TMEM184A: variants seen among roughly 807,000 people sequenced by gnomAD.
The protein encoded by TMEM184A is transmembrane protein 184A, also known as sexually dimorphic, expressed in male gonads 1.
TMEM184A carries 40 observed loss-of-function variants against 39.5 expected under a neutral mutation model. The observed-to-expected ratio is 1.01, with a 90% CI of 0.79 to 1.32. TMEM184A has a LOEUF of 1.32. TMEM184A is among the 40% of genes most tolerant of loss of function. The pLI is 0.00. For synonymous variants in TMEM184A, 280 were observed against 252.3 expected, an observed-to-expected ratio of 1.11 and a Z score of -1.04; for missense variants, 603 against 568.8, an observed-to-expected ratio of 1.06 and a Z score of -0.61.
Position 1,547,114 on chromosome 7 carries a change from C to T in TMEM184A, c.1080G>A (p.Val360=), listed in dbSNP as rs757273054. 6 of 1,610,272 alleles carry T rather than the reference C, an allele frequency of 3.7e-6. No individual in the cohort carries two copies. The highest frequency in any genetic ancestry group is 1.7e-5 in the Admixed American group (1 of 59,996). Reference sequence around the variant, plus strand: ...GGGAGAAGTTGTGGATGGCGTCCTGCACGATGTCCTGGGGGCTCACTGTCT... The same window carrying T: ...GGGAGAAGTTGTGGATGGCGTCCTGTACGATGTCCTGGGGGCTCACTGTCT... The part of the protein sequence containing the change: ...IRETVSPQDI[V]QDAIHNFSPA... The change falls in exon 9 of 9, where the codon GTG becomes GTA. Residue 360 remains valine, a synonymous_variant. Transcript: ENST00000297477.
Position 1,555,445 on chromosome 7 carries a change from G to T in TMEM184A, c.40C>A (p.Pro14Thr). The change falls in exon 2 of 9, where the codon CCC becomes ACC. Residue 14 changes from proline to threonine, a missense_variant. Transcript: ENST00000297477. The surrounding 1 kb of genome is among the most constrained non-coding windows in gnomAD (Gnocchi z 5.2). Reference sequence around the variant, plus strand: ...TGCGGCCAGTTCGCTGACACCAGGGGGACGCCGGCTGTCTCCAGGATCCCT... The same window carrying T: ...TGCGGCCAGTTCGCTGACACCAGGGTGACGCCGGCTGTCTCCAGGATCCCT... The part of the protein sequence containing the change: ...VSGILETAGV[P>T]LVSANWPQPS... 6.2e-7 allele frequency: 1 copy of T among 1,610,318 alleles called. No individual in the cohort carries two copies. Among genetic ancestry groups the T allele is most frequent in the East Asian group, 2.2e-5 (1 of 44,860 alleles).
intron 2 of TMEM184A, among the ~76,000 whole-genome samples, chr7:1,554,331 C>A (rs1283668769): frequency 1.3e-5 from 2 of 152,102 alleles, no homozygotes; most frequent in Non-Finnish European, 2.9e-5. Flanking sequence ...TGCCCCAGCT[C>A]ACCTACAGAT....
intron 7 of TMEM184A, 88 bp from the exon 8 acceptor site, chr7:1,548,027 C>A: frequency 7.0e-7 from 1 of 1,418,538 alleles, no homozygotes; most frequent in Non-Finnish European, 9.5e-7. Context: ...GCTCCTCTGA[C>A]GGGTGCTGTG....
intron 6 of TMEM184A, 103 bp downstream of exon 6, chr7:1,549,751 G>C: frequency 9.2e-7 from 1 of 1,088,132 alleles, no homozygotes. Context: ...CACCTTACTT[G>C]AGCCCAGCTG....
Position 1,555,292 on chromosome 7 carries a change from T to C in TMEM184A, c.193A>G (p.Thr65Ala), listed in dbSNP as rs1374383740. ...ARGVSGIFVW[T>A]ALVLTCHQIY... ...TGGTGGCAGGTGAGCACCAGGGCAGTCCACACGAAGATCCCCGAGACGCCT... is the reference window on the plus strand; with the variant it reads ...TGGTGGCAGGTGAGCACCAGGGCAGCCCACACGAAGATCCCCGAGACGCCT... Residue 65 changes from threonine (T) to alanine (A), a missense_variant, in exon 2 of 9, where the codon ACT (threonine) becomes GCT (alanine). By Grantham distance (58) the Thr-to-Ala change is moderately conservative. Transcript: ENST00000297477. This position sits in a 1 kb window ranked among gnomAD's most constrained non-coding sequence, Gnocchi z 5.2. The C allele has an allele frequency of 1.2e-6, 2 of 1,606,866 alleles. No individual in the cohort carries two copies. The highest frequency in any genetic ancestry group is 1.1e-5 in the South Asian group (1 of 90,634).
chr7:1,555,423 G>A lies in TMEM184A; in HGVS notation c.62C>T (p.Pro21Leu), dbSNP rs377143909. Residue 21 changes from proline (P) to leucine (L), a missense_variant, in exon 2 of 9, where the codon CCG becomes CTG. Pro to Leu is a moderately conservative substitution (Grantham distance 98, BLOSUM62 -3). Coordinates refer to ENST00000297477, the MANE Select transcript of TMEM184A (RefSeq NM_001097620.2). This position sits in a 1 kb window ranked among gnomAD's most constrained non-coding sequence, Gnocchi z 5.2. ...AGVPLVSANWPQPSPPPAVPA... is the reference protein window; with the variant it reads ...AGVPLVSANWLQPSPPPAVPA... ...CACAGCCGGTGGGGGGCTGGGCTGCGGCCAGTTCGCTGACACCAGGGGGAC... is the reference window on the plus strand; with the variant it reads ...CACAGCCGGTGGGGGGCTGGGCTGCAGCCAGTTCGCTGACACCAGGGGGAC... 4.8e-5 allele frequency: 77 copies of A among 1,611,426 alleles called. No homozygotes were observed. In the African/African-American group the frequency reaches 8.4e-4, roughly 18 times the overall value.
rs534116432 is a variant in TMEM184A, at chr7:1,547,193, C to T, written c.1013-12G>A. 2.7e-6 allele frequency: 4 copies of T among 1,502,442 alleles called. No individual in the cohort carries two copies. In the Admixed American group the frequency reaches 5.1e-5, roughly 19 times the overall value. The allele number at this position is 1,502,442 out of a possible 1,614,324, so 93.1% of individuals were successfully genotyped here. The stretch of plus-strand genomic sequence containing the variant: ...GGGTGCCGGGGGGGCTGGGGGAGGG[C>T]AGTGTATGAGCCCCACCATCCCCCC... On this transcript the variant is annotated splice_polypyrimidine_tract_variant and intron_variant, in intron 8 of 8. Coordinates refer to ENST00000297477, the MANE Select transcript of TMEM184A (RefSeq NM_001097620.2).
At chr7:1,548,203 C>G (rs1784424988) in intron 7 of TMEM184A, among the ~76,000 whole-genome samples, 1 of 152,236 alleles carries the variant, frequency 6.6e-6, no homozygotes. Context: ...GGTGGCCATC[C>G]TCCTCTGCCA....
Position 1,547,884 on chromosome 7 carries a change from G to T in TMEM184A, c.870C>A (p.Ser290Arg), listed in dbSNP as rs61745814. Residue 290 changes from serine to arginine, a missense_variant, in exon 8 of 9, where the codon AGC becomes AGA. Ser to Arg is a moderately radical substitution (Grantham distance 110). Coordinates refer to ENST00000297477, the MANE Select transcript of TMEM184A (RefSeq NM_001097620.2). ...RCGVIPEVET[S>R]GGNKLGAGTL... ...TGCCAGCCCCCAGCTTGTTCCCGCC[G>T]CTGGTCTCCACCTCCGGGATGACCC... 191 of 1,598,518 alleles carry T rather than the reference G, an allele frequency of 1.2e-4. 1 individual carries two copies. The African/African-American group carries it at 2.4e-3, about 20-fold the overall frequency.
chr7:1,550,528 A>T, intron 3 of TMEM184A, 133 bp from the exon 4 acceptor site: 1 of 783,318 alleles, frequency 1.3e-6, no homozygotes, highest in Non-Finnish European at 2.0e-6. Context: ...GAGGCTCCTG[A>T]TGGACCCCAT....
chr7:1,548,453 G>C, intron 7 of TMEM184A, 66 bp downstream of exon 7: 1 of 1,531,506 alleles, frequency 6.5e-7, no homozygotes, highest in East Asian at 2.3e-5. Flanking sequence ...GGTGTGAGGT[G>C]ACCCCAGGCT....
Position 1,549,870 on chromosome 7 carries a change from G to A in TMEM184A, c.628C>T (p.His210Tyr). The A allele has an allele frequency of 6.2e-7, 1 of 1,609,164 alleles. No individual in the cohort carries two copies. The highest frequency in any genetic ancestry group is 8.5e-7 in the Non-Finnish European group (1 of 1,177,438). The change falls in exon 6 of 9, where the codon CAC (histidine) becomes TAC (tyrosine). Residue 210 changes from histidine (H) to tyrosine (Y), a missense_variant. Coordinates refer to ENST00000297477, the MANE Select transcript of TMEM184A (RefSeq NM_001097620.2). ...TIILQAFGKY[H>Y]DGDFNVRSGY... ...CCGCCTTACTTGAAGTCCCCGTCGT[G>A]GTATTTGCCAAATGCCTGGAGGATG... is the stretch of plus-strand genomic sequence containing the variant.
At chr7:1,554,074 C>G (rs1057349606) in intron 2 of TMEM184A, among the ~76,000 whole-genome samples, 2 of 152,134 alleles carry the variant, frequency 1.3e-5, no homozygotes, top group East Asian at 3.9e-4. Context: ...GCACTGCCTC[C>G]GCGGCTCTGC....
At chr7:1,550,481 G>T in intron 3 of TMEM184A, 86 bp from the exon 4 acceptor site, 2 of 1,140,538 alleles carry the variant, frequency 1.8e-6, no homozygotes, top group East Asian at 2.5e-5. Flanking sequence ...GCAGGAGGAG[G>T]CTCGGGAGGG....
At position 1,546,098 on chromosome 7, in the gene TMEM184A, C is replaced by A; in HGVS notation, c.*854G>T. 1 of 152,712 alleles carries A rather than the reference C, an allele frequency of 6.5e-6. No homozygotes were observed. 9.5% of individuals were successfully genotyped at this position (152,712 alleles called of 1,614,324 possible). A position where few individuals can be genotyped will look rare whatever the true frequency, so the allele number is the denominator to read the frequency against. On this transcript the variant is annotated 3_prime_UTR_variant, in exon 9 of 9. Coordinates refer to ENST00000297477, the MANE Select transcript of TMEM184A (RefSeq NM_001097620.2). ...CTCTGCCCTGCACTGCCCTGGACCA[C>A]GAGGCTGCCCACCCCAGACAGGTGG...
chr7:1,547,199 A>G lies in TMEM184A; in HGVS notation c.1013-18T>C, dbSNP rs1397380202. ...CGGGGGGGCTGGGGGAGGGCAGTGT[A>G]TGAGCCCCACCATCCCCCCTGCACT... is the stretch of plus-strand genomic sequence containing the variant. On this transcript the variant is annotated intron_variant, in intron 8 of 8. Transcript: ENST00000297477. The G allele has an allele frequency of 1.4e-5, 20 of 1,447,928 alleles. No individual in the cohort carries two copies. Among genetic ancestry groups the G allele is most frequent in the Non-Finnish European group, 1.8e-5 (19 of 1,047,492 alleles). 89.7% of individuals were successfully genotyped at this position (1,447,928 alleles called of 1,614,324 possible). A position where few individuals can be genotyped will look rare whatever the true frequency, so the allele number is the denominator to read the frequency against.
rs762397202 is a variant in TMEM184A, at chr7:1,555,293, C to T, written c.192G>A (p.Trp64Ter). 2 of 1,607,438 alleles carry T rather than the reference C, an allele frequency of 1.2e-6. No individual in the cohort carries two copies. The highest frequency in any genetic ancestry group is 1.7e-6 in the Non-Finnish European group (2 of 1,177,274). The change falls in exon 2 of 9, where the codon TGG becomes TGA. Residue 64 changes from tryptophan to a stop codon, truncating the protein, a stop_gained. Transcript: ENST00000297477. LOFTEE classifies it high-confidence loss of function. This position sits in a 1 kb window ranked among gnomAD's most constrained non-coding sequence, Gnocchi z 5.2. The stretch of plus-strand genomic sequence containing the variant: ...GGTGGCAGGTGAGCACCAGGGCAGT[C>T]CACACGAAGATCCCCGAGACGCCTC... ...LARGVSGIFV[W>*]TALVLTCHQI... is the part of the protein sequence containing the mutation.
Position 1,547,860 on chromosome 7 carries a change from G to A in TMEM184A, c.894C>T (p.Gly298=). Residue 298 remains glycine, a synonymous_variant, in exon 8 of 9, where the codon GGC becomes GGT. Transcript: ENST00000297477. The part of the protein sequence containing the change: ...ETSGGNKLGA[G]TLAAGYQNFI... ...AGTTCTGGTAGCCGGCGGCCAGCGT[G>A]CCAGCCCCCAGCTTGTTCCCGCCGC... The A allele has an allele frequency of 6.2e-7, 1 of 1,605,218 alleles. No individual in the cohort carries two copies. Among genetic ancestry groups the A allele is most frequent in the Non-Finnish European group, 8.5e-7 (1 of 1,176,352 alleles).
At chr7:1,553,960 C>T (rs1453029145) in intron 2 of TMEM184A, among the ~76,000 whole-genome samples, 1 of 152,152 alleles carries the variant, frequency 6.6e-6, no homozygotes, top group African/African-American at 2.4e-5. Flanking sequence ...AAGCTAAAGC[C>T]ACACTACAGC....
Sources: gnomAD v4.1 joint callset for allele counts (sites outside exome capture counted in the v4.1 genomes callset) on GRCh38, gnomAD v4.1.1 for gene constraint, Gnocchi (gnomAD v3.1) non-coding constraint, MANE v1.5 for transcripts, NCBI Gene and HGNC (gene_info 2026-07-23, HGNC 2026-07-21) for gene names.